The following LDLRAD4 variants were observed in gnomAD, a reference collection of about 807,000 sequenced individuals.
The protein encoded by LDLRAD4 is low-density lipoprotein receptor class A domain-containing protein 4.
Under a neutral mutation model 17.0 loss-of-function variants are expected in LDLRAD4, and 5 were observed. The observed-to-expected ratio is 0.29, with a 90% CI of 0.15 to 0.62. The LOEUF is 0.62. Ranked by LOEUF, LDLRAD4 falls within the 20% of genes least tolerant of loss-of-function variation. The pLI is 0.84. For missense variants in LDLRAD4, 340 were observed against 424.7 expected (o/e 0.80, Z 1.75); for synonymous variants, 168 against 171.8 (o/e 0.98, Z 0.17).
At chr18:13,443,147 C>A (rs1401401775) in intron 3 of LDLRAD4, among the ~76,000 whole-genome samples, 1 of 152,154 alleles carries the variant, frequency 6.6e-6, no homozygotes, top group East Asian at 1.9e-4. Flanking sequence ...CCTCCCATTG[C>A]CATTTAGGGT....
At chr18:13,339,376 T>C (rs1450483704) in intron 1 of LDLRAD4, among the ~76,000 whole-genome samples, 2 of 152,094 alleles carry the variant, frequency 1.3e-5, no homozygotes, top group African/African-American at 2.4e-5. Context: ...CTATTTTTTG[T>C]ATTTTTAGTA....
At chr18:13,450,337 C>T (rs73956414) in intron 3 of LDLRAD4, among the ~76,000 whole-genome samples, 1 of 115,496 alleles carries the variant, frequency 8.7e-6, no homozygotes, top group East Asian at 2.4e-4. Context: ...CCCCCCCCCC[C>T]AAAAAAACAC....
intron 1 of LDLRAD4, among the ~76,000 whole-genome samples, chr18:13,263,782 A>G (rs1391635289): frequency 6.6e-6 from 1 of 152,216 alleles, no homozygotes; most frequent in Non-Finnish European, 1.5e-5. Flanking sequence ...GTTATGGTTA[A>G]AGTGAGGGAG....
intron 3 of LDLRAD4, among the ~76,000 whole-genome samples, chr18:13,556,044 C>T (rs771062854): frequency 2.0e-5 from 3 of 151,998 alleles, no homozygotes; most frequent in South Asian, 2.1e-4. Flanking sequence ...CCAAACTACT[C>T]GGAGTCACTG....
chr18:13,471,272 T>A (rs1483204815), intron 3 of LDLRAD4: 1 of 152,104 alleles, frequency 6.6e-6, no homozygotes, highest in Admixed American at 6.5e-5. Context: ...TGTGTGTAGA[T>A]CACAGCAGCG....
At chr18:13,361,522 C>T (rs2083669754) in intron 1 of LDLRAD4, among the ~76,000 whole-genome samples, 1 of 152,204 alleles carries the variant, frequency 6.6e-6, no homozygotes, top group South Asian at 2.1e-4. Context: ...GCCAATTTCA[C>T]CATGGCCTTA....
At chr18:13,391,870 A>G (rs1020150702) in intron 2 of LDLRAD4, among the ~76,000 whole-genome samples, 27 of 152,222 alleles carry the variant, frequency 1.8e-4, no homozygotes, top group African/African-American at 6.0e-4. Flanking sequence ...TATAAATACG[A>G]TTTTAAATTG....
At position 13,561,105 on chromosome 18, in the gene LDLRAD4, AC is replaced by A. The variant is rs1160158930; in HGVS notation, c.182-60010del. Among the ~76,000 whole-genome samples the A allele has an allele frequency of 2.6e-5, 4 of 151,736 alleles. No individual in the cohort carries two copies. In the East Asian group the frequency reaches 5.8e-4, roughly 22 times the overall value. On this transcript the variant is annotated intron_variant, in intron 3 of 5. Coordinates refer to ENST00000359446, the Ensembl canonical transcript of LDLRAD4. The stretch of plus-strand genomic sequence containing the variant: ...TACAGGTATGTAAAGCTCCCCAGTT[AC>A]CAGATCTTACTGTCTCAGGGAACAT...
At chr18:13,631,451 T>G (rs1272028035) in intron 4 of LDLRAD4, among the ~76,000 whole-genome samples, 1 of 152,174 alleles carries the variant, frequency 6.6e-6, no homozygotes, top group East Asian at 1.9e-4. Context: ...CTTCTTAAAC[T>G]TCTAGAAATT....
chr18:13,645,537 C>G lies in LDLRAD4; in HGVS notation c.801C>G (p.Phe267Leu). ...TGGGCCACCACCCAGGCGCCTCTTT[C>G]CTCCATCACCAGCGCAGCAACGCAC... Residue 267 changes from phenylalanine to leucine, a missense_variant, in exon 6 of 6, where the codon TTC (phenylalanine) becomes TTG (leucine). Transcript: ENST00000359446. The surrounding 1 kb of genome is among the most constrained non-coding windows in gnomAD (Gnocchi z 5.7). 2 of 1,610,822 alleles carry G rather than the reference C, an allele frequency of 1.2e-6. No individual in the cohort carries two copies. The highest frequency in any genetic ancestry group is 8.5e-7 in the Non-Finnish European group (1 of 1,178,580).
chr18:13,464,795 C>A (rs1174819924), intron 3 of LDLRAD4, among the ~76,000 whole-genome samples: 1 of 136,724 alleles, frequency 7.3e-6, no homozygotes, highest in Non-Finnish European at 1.6e-5. Flanking sequence ...ACCCCCACCC[C>A]CACCCCAAGG....
At chr18:13,296,289 G>C (rs2146493596) in intron 1 of LDLRAD4, among the ~76,000 whole-genome samples, 1 of 152,364 alleles carries the variant, frequency 6.6e-6, no homozygotes, top group African/African-American at 2.4e-5. Flanking sequence ...TGTCAGGATA[G>C]GCTGAGGTAT....
At chr18:13,306,453 C>G (rs2046921360) in intron 1 of LDLRAD4, among the ~76,000 whole-genome samples, 1 of 152,200 alleles carries the variant, frequency 6.6e-6, no homozygotes. Context: ...ACCCAGAACC[C>G]CATGAGTTCA....
chr18:13,337,504 G>C (rs1288419280), intron 1 of LDLRAD4, among the ~76,000 whole-genome samples: 1 of 152,122 alleles, frequency 6.6e-6, no homozygotes, highest in Admixed American at 6.6e-5. Context: ...AAAAAGTTCT[G>C]TTTGTCCATT....
intron 3 of LDLRAD4, among the ~76,000 whole-genome samples, chr18:13,455,468 A>T (rs1487347037): frequency 1.3e-5 from 2 of 152,112 alleles, no homozygotes; most frequent in African/African-American, 4.8e-5. Context: ...TTGGGTAGCC[A>T]TGGTGAGAAG....
chr18:13,636,028 G>A (rs79221490), intron 4 of LDLRAD4, among the ~76,000 whole-genome samples: 1,628 of 152,048 alleles, frequency 0.011, 26 homozygotes, highest in African/African-American at 0.037. Context: ...TGCCTTTGGC[G>A]TGTTTACTGC....
intron 1 of LDLRAD4, chr18:13,241,337 G>A (rs1311070190): frequency 1.3e-5 from 2 of 152,298 alleles, no homozygotes; most frequent in African/African-American, 4.8e-5. Flanking sequence ...GGCGTCTGCT[G>A]TGTGCTTTCG....
At chr18:13,455,652 T>C (rs2092092518) in intron 3 of LDLRAD4, among the ~76,000 whole-genome samples, 1 of 152,114 alleles carries the variant, frequency 6.6e-6, no homozygotes. Context: ...GGCCAAGTCA[T>C]GTCCTCCCCG....
In LDLRAD4 at chr18:13,343,505, T is replaced by A. The variant is rs186867309; in HGVS notation, c.-382-43836T>A. 4.1e-3 allele frequency among the ~76,000 whole-genome samples: 629 copies of A among 152,276 alleles called. 3 individuals carry two copies. The highest frequency in any genetic ancestry group is 0.024 in the Middle Eastern group (7 of 294). On this transcript the variant is annotated intron_variant, in intron 1 of 5. Coordinates refer to ENST00000359446, the Ensembl canonical transcript of LDLRAD4. ...TGTTGTTGGACATTTGGGTTGGTTC[T>A]AAGTCTTTGCTATTGTGAATAGTGC... is the stretch of plus-strand genomic sequence containing the variant.
Sources: gnomAD v4.1 joint callset for allele counts (sites outside exome capture counted in the v4.1 genomes callset) on GRCh38, gnomAD v4.1.1 for gene constraint, Gnocchi (gnomAD v3.1) non-coding constraint, MANE v1.5 for transcripts, NCBI Gene and HGNC (gene_info 2026-07-23, HGNC 2026-07-21) for gene names.